The following SOX5 variants were observed in gnomAD, a reference collection of about 807,000 sequenced individuals.
The protein encoded by SOX5 is SRY-box transcription factor 5.
In SOX5, 9 loss-of-function variants were observed where a neutral mutation model predicts 92.0. The observed-to-expected ratio is 0.10, with a 90% CI of 0.06 to 0.17. The LOEUF is 0.17. Among genes scored for constraint, SOX5 ranks in the 10% least tolerant of loss-of-function variants. The probability of loss-of-function intolerance (pLI) is 1.00; values close to 1 mark genes in which losing one functional copy is unlikely to be tolerated. For synonymous variants in SOX5, 344 were observed against 336.3 expected (o/e 1.02, Z -0.25); for missense variants, 642 against 944.5 (o/e 0.68, Z 4.20).
intron 4 of SOX5, among the ~76,000 whole-genome samples, chr12:24,063,014 T>C (rs1048787584): frequency 1.3e-5 from 2 of 152,222 alleles, no homozygotes; most frequent in South Asian, 2.1e-4. Context: ...AACCAGTATA[T>C]TGCATAATGT....
At chr12:23,852,273 C>A (rs2096641712) in intron 2 of SOX5, among the ~76,000 whole-genome samples, 1 of 152,068 alleles carries the variant, frequency 6.6e-6, no homozygotes. Flanking sequence ...AAAAACCTTA[C>A]AAATTAATTT....
intron 4 of SOX5, among the ~76,000 whole-genome samples, chr12:24,000,453 T>C (rs558369018): frequency 6.6e-6 from 1 of 152,138 alleles, no homozygotes; most frequent in South Asian, 2.1e-4. Context: ...AAAGTCTCTA[T>C]ATTTTAAAAA....
intron 9 of SOX5, among the ~76,000 whole-genome samples, chr12:23,578,924 G>T (rs1439634125): frequency 4.0e-5 from 6 of 149,248 alleles, no homozygotes; most frequent in Non-Finnish European, 7.5e-5. Context: ...AATGTGAAGA[G>T]AAGAAAAAGA....
chr12:24,127,769 C>G (rs980339191), intron 4 of SOX5, among the ~76,000 whole-genome samples: 1 of 152,138 alleles, frequency 6.6e-6, no homozygotes, highest in Non-Finnish European at 1.5e-5. Flanking sequence ...CACCTCACCC[C>G]ACCTGGGGAA....
At chr12:23,535,914 C>T (rs1168255838) in intron 14 of SOX5, among the ~76,000 whole-genome samples, 3 of 152,168 alleles carry the variant, frequency 2.0e-5, no homozygotes, top group Non-Finnish European at 4.4e-5. Flanking sequence ...TAAAACATCT[C>T]GGAGCTGCGT....
At chr12:23,744,913 C>A (rs2093929340) in intron 4 of SOX5, among the ~76,000 whole-genome samples, 1 of 152,154 alleles carries the variant, frequency 6.6e-6, no homozygotes, top group Non-Finnish European at 1.5e-5. Flanking sequence ...CCTTGGCTTG[C>A]AGATGTCTGT....
At chr12:24,460,458 G>A (rs1943496990) in intron 1 of SOX5, 1 of 152,198 alleles carries the variant, frequency 6.6e-6, no homozygotes, top group African/African-American at 2.4e-5. Context: ...CACTTAATCT[G>A]ACCACTACTA....
At chr12:24,223,761 A>C (rs1444332375) in intron 3 of SOX5, among the ~76,000 whole-genome samples, 40 of 152,006 alleles carry the variant, frequency 2.6e-4, no homozygotes, top group Admixed American at 2.6e-3. Context: ...TCTCAAACAA[A>C]AACAAAAACA....
chr12:23,658,956 C>CT (rs2082676848), intron 7 of SOX5, among the ~76,000 whole-genome samples: 1 of 152,158 alleles, frequency 6.6e-6, no homozygotes, highest in Non-Finnish European at 1.5e-5. Flanking sequence ...ATTATATCCT[C>CT]TTTTCTCTCT....
At chr12:23,583,358 A>T (rs995427867) in intron 9 of SOX5, among the ~76,000 whole-genome samples, 1 of 152,118 alleles carries the variant, frequency 6.6e-6, no homozygotes, top group African/African-American at 2.4e-5. Flanking sequence ...AACCCACAAT[A>T]TCACATGAAA....
At chr12:24,426,704 T>G (rs947679912) in intron 1 of SOX5, among the ~76,000 whole-genome samples, 10 of 152,204 alleles carry the variant, frequency 6.6e-5, no homozygotes, top group African/African-American at 2.4e-4. Context: ...CGCTGAATAC[T>G]CCAGCGTACT....
intron 1 of SOX5, among the ~76,000 whole-genome samples, chr12:24,510,694 G>A (rs958440092): frequency 1.3e-5 from 2 of 152,216 alleles, no homozygotes; most frequent in African/African-American, 2.4e-5. Context: ...ATCCACAGGT[G>A]ATTATGATGA....
chr12:23,843,554 CTTTTTTTTTT>C (rs71059931), intron 3 of SOX5, among the ~76,000 whole-genome samples: 42 of 71,332 alleles, frequency 5.9e-4, no homozygotes, highest in Middle Eastern at 0.011. Context: ...GTCATTTCTC[CTTTTTTTTTT>C]TTTTTTTTTT....
At chr12:24,336,799 C>T (rs1282868837) in intron 2 of SOX5, among the ~76,000 whole-genome samples, 2 of 152,308 alleles carry the variant, frequency 1.3e-5, no homozygotes, top group African/African-American at 2.4e-5. Flanking sequence ...GTAGGCATAG[C>T]TGTCGCCATA....
chr12:24,209,476 T>C (rs1958361580), intron 4 of SOX5, among the ~76,000 whole-genome samples: 1 of 152,212 alleles, frequency 6.6e-6, no homozygotes, highest in East Asian at 1.9e-4. Context: ...CAGGTATGTA[T>C]GTATGTATTT....
At chr12:24,047,618 T>C (rs1416766392) in intron 4 of SOX5, among the ~76,000 whole-genome samples, 1 of 152,222 alleles carries the variant, frequency 6.6e-6, no homozygotes, top group East Asian at 1.9e-4. Context: ...CATTACCACA[T>C]GGGATCAGCC....
At chr12:23,645,389 T>C (rs908839944) in intron 7 of SOX5, among the ~76,000 whole-genome samples, 1 of 151,868 alleles carries the variant, frequency 6.6e-6, no homozygotes, top group Non-Finnish European at 1.5e-5. Flanking sequence ...AGACAAGGAG[T>C]TGGGAAACTT....
At chr12:23,572,992 A>G (rs1408871274) in intron 10 of SOX5, among the ~76,000 whole-genome samples, 11 of 152,144 alleles carry the variant, frequency 7.2e-5, no homozygotes, top group Admixed American at 6.6e-4. Context: ...TTCAGACTTC[A>G]TTCTGATCAT....
intron 1 of SOX5, chr12:23,920,323 AC>A (rs1460780038): frequency 6.6e-6 from 1 of 152,140 alleles, no homozygotes; most frequent in African/African-American, 2.4e-5. Flanking sequence ...TTTGTATTTC[AC>A]TTAGCGATGG....
Sources: gnomAD v4.1 joint callset for allele counts (sites outside exome capture counted in the v4.1 genomes callset) on GRCh38, gnomAD v4.1.1 for gene constraint, MANE v1.5 for transcripts, NCBI Gene and HGNC (gene_info 2026-07-23, HGNC 2026-07-21) for gene names.